DUSP19: variants seen among roughly 807,000 people sequenced by gnomAD.
The protein encoded by DUSP19 is dual specificity protein phosphatase 19.
DUSP19 carries 14 observed loss-of-function variants against 16.6 expected under a neutral mutation model. The ratio of observed to expected loss-of-function variants is 0.84; its 90% confidence interval spans 0.56 to 1.32. DUSP19 has a LOEUF of 1.32. Ranked by LOEUF, DUSP19 falls within the 40% of genes most tolerant of loss-of-function variation. DUSP19 has a pLI of 0.00. For missense variants in DUSP19, 258 were observed against 255.9 expected (o/e 1.01, Z -0.06); for synonymous variants, 81 against 90.5 (o/e 0.90, Z 0.59).
intron 1 of DUSP19, among the ~76,000 whole-genome samples, chr2:183,080,249 C>T (rs1188699215): frequency 6.6e-6 from 1 of 152,126 alleles, no homozygotes; most frequent in Non-Finnish European, 1.5e-5. Flanking sequence ...TCCAAAAAGC[C>T]ATTTGTAAAG....
At chr2:183,088,419 T>G (rs1377358535) in intron 3 of DUSP19, among the ~76,000 whole-genome samples, 1 of 147,672 alleles carries the variant, frequency 6.8e-6, no homozygotes, top group Non-Finnish European at 1.5e-5. Flanking sequence ...TGTTTTTTTT[T>G]TTTTTGAGAT....
chr2:183,082,861 C>CCTCT (rs1167162344), intron 1 of DUSP19, among the ~76,000 whole-genome samples: 1 of 145,862 alleles, frequency 6.9e-6, no homozygotes, highest in Admixed American at 6.9e-5. Flanking sequence ...TCCCTCCCTC[C>CCTCT]CTCTCTCTTC....
chr2:183,087,342 T>C, intron 3 of DUSP19, 150 bp downstream of exon 3: 2 of 855,530 alleles, frequency 2.3e-6, no homozygotes, highest in Admixed American at 3.2e-5. Flanking sequence ...CTACAATTAT[T>C]TGGTTAATTG....
In DUSP19 at chr2:183,079,101, T is replaced by C; in HGVS notation, c.168T>C (p.Tyr56=). The C allele has an allele frequency of 6.2e-7, 1 of 1,614,118 alleles. No individual in the cohort carries two copies. The highest frequency in any genetic ancestry group is 8.5e-7 in the Non-Finnish European group (1 of 1,180,014). Residue 56 remains tyrosine (Y), a synonymous_variant, in exon 1 of 4, where the codon TAT becomes TAC. Coordinates refer to ENST00000354221, the MANE Select transcript of DUSP19 (RefSeq NM_080876.4). Reference sequence around the variant, plus strand: ...CGAGCAGTGGGGGTGGTTGTGGTTATGTGCAGGACCTTAGCTCGGACCTGC... The same window carrying C: ...CGAGCAGTGGGGGTGGTTGTGGTTACGTGCAGGACCTTAGCTCGGACCTGC... ...VEPSSGGGCG[Y]VQDLSSDLQV...
intron 3 of DUSP19, among the ~76,000 whole-genome samples, chr2:183,088,023 C>T (rs1321672808): frequency 6.6e-6 from 1 of 152,198 alleles, no homozygotes; most frequent in Non-Finnish European, 1.5e-5. Context: ...TGTTCATCAA[C>T]TTTACTTAAT....
chr2:183,095,900 CAA>C lies in DUSP19; in HGVS notation c.*244_*245del, dbSNP rs1489125278. 3.4e-6 allele frequency: 1 copy of C among 295,650 alleles called. No homozygotes were observed. Among genetic ancestry groups the C allele is most frequent in the Non-Finnish European group, 6.2e-6 (1 of 160,054 alleles). The allele number at this position is 295,650 out of a possible 1,614,324, so 18.3% of individuals were successfully genotyped here. A position where few individuals can be genotyped will look rare whatever the true frequency, so the allele number is the denominator to read the frequency against. Reference sequence around the variant, plus strand: ...TTTTTAAATTGCTAAGGGAAAATAACAAAGTGTTAGTAATCATTGCTTTCTGT... The same window carrying C: ...TTTTTAAATTGCTAAGGGAAAATAACAGTGTTAGTAATCATTGCTTTCTGT... On this transcript the variant is annotated 3_prime_UTR_variant, in exon 4 of 4. Coordinates refer to ENST00000354221, the MANE Select transcript of DUSP19 (RefSeq NM_080876.4).
In DUSP19 at chr2:183,079,115, G is replaced by C; in HGVS notation, c.182G>C (p.Ser61Thr). Residue 61 changes from serine (S) to threonine (T), a missense_variant, in exon 1 of 4, where the codon AGC becomes ACC. Ser to Thr is a moderately conservative substitution (Grantham distance 58, BLOSUM62 1). Transcript: ENST00000354221. Reference protein sequence around the residue: ...GGGCGYVQDLSSDLQVGVIKP... With the variant: ...GGGCGYVQDLTSDLQVGVIKP... ...GGTTGTGGTTATGTGCAGGACCTTA[G>C]CTCGGACCTGCAAGTTGGCGTTATT... 1 of 1,613,984 alleles carries C rather than the reference G, an allele frequency of 6.2e-7. No individual in the cohort carries two copies. Among genetic ancestry groups the C allele is most frequent in the Non-Finnish European group, 8.5e-7 (1 of 1,179,952 alleles).
Position 183,098,051 on chromosome 2 carries a change from C to G in DUSP19, c.*2393C>G, listed in dbSNP as rs1292397820. On this transcript the variant is annotated 3_prime_UTR_variant, in exon 4 of 4. Transcript: ENST00000354221. ...GGATTATAGGCATGTGCCACCATGC[C>G]CAGCAAATTTTGTATTTTTTTTTGG... is the stretch of plus-strand genomic sequence containing the variant. 6.6e-6 allele frequency: 1 copy of G among 152,116 alleles called. No homozygotes were observed. Among genetic ancestry groups the G allele is most frequent in the East Asian group, 1.9e-4 (1 of 5,194 alleles). 9.4% of individuals were successfully genotyped at this position (152,116 alleles called of 1,614,324 possible).
At chr2:183,083,188 T>C (rs1462381769) in intron 1 of DUSP19, among the ~76,000 whole-genome samples, 1 of 152,226 alleles carries the variant, frequency 6.6e-6, no homozygotes, top group Non-Finnish European at 1.5e-5. Flanking sequence ...CATTTTTTAT[T>C]TAATGCAACA....
intron 2 of DUSP19, among the ~76,000 whole-genome samples, chr2:183,085,530 A>T (rs910565401): frequency 2.0e-5 from 3 of 152,044 alleles, no homozygotes; most frequent in Admixed American, 2.0e-4. Context: ...TTTCATTTGA[A>T]TTGGAGGCCA....
intron 2 of DUSP19, among the ~76,000 whole-genome samples, chr2:183,086,787 C>A (rs900368892): frequency 1.3e-5 from 2 of 151,820 alleles, no homozygotes; most frequent in African/African-American, 4.8e-5. Flanking sequence ...TGCATCATTG[C>A]ACTCCAGCCT....
At chr2:183,085,573 A>G (rs1386199317) in intron 2 of DUSP19, among the ~76,000 whole-genome samples, 1 of 150,678 alleles carries the variant, frequency 6.6e-6, no homozygotes, top group Non-Finnish European at 1.5e-5. Flanking sequence ...GAAGTGAGGA[A>G]GTGATGGCAA....
Position 183,099,634 on chromosome 2 carries a change from C to T in DUSP19, c.*3976C>T, listed in dbSNP as rs1185419266. On this transcript the variant is annotated 3_prime_UTR_variant, in exon 4 of 4. Transcript: ENST00000354221. Reference sequence around the variant, plus strand: ...AAAAATGATATGTTTAATATTTTCCCATTAATATATTTCTTTGAAGCTATT... The same window carrying T: ...AAAAATGATATGTTTAATATTTTCCTATTAATATATTTCTTTGAAGCTATT... 5 of 152,072 alleles carry T rather than the reference C, an allele frequency of 3.3e-5. No homozygotes were observed. The highest frequency in any genetic ancestry group is 1.2e-4 in the African/African-American group (5 of 41,398). The allele number at this position is 152,072 out of a possible 1,614,324, so 9.4% of individuals were successfully genotyped here. A position where few individuals can be genotyped will look rare whatever the true frequency, so the allele number is the denominator to read the frequency against.
chr2:183,091,640 AG>A (rs567497845), intron 3 of DUSP19, among the ~76,000 whole-genome samples: 97 of 152,340 alleles, frequency 6.4e-4, no homozygotes, highest in African/African-American at 2.2e-3. Context: ...AACCAGTGAG[AG>A]GCTAGGGTGA....
intron 1 of DUSP19, among the ~76,000 whole-genome samples, chr2:183,082,344 T>G (rs1042517261): frequency 5.9e-5 from 9 of 152,144 alleles, no homozygotes; most frequent in Non-Finnish European, 1.0e-4. Context: ...CATATACATA[T>G]TTTTTGTTGT....
At chr2:183,092,706 T>G (rs920402853) in intron 3 of DUSP19, among the ~76,000 whole-genome samples, 9 of 149,182 alleles carry the variant, frequency 6.0e-5, no homozygotes, top group East Asian at 1.9e-4. Flanking sequence ...CAAGTTTTTT[T>G]TTTTTTTTTT....
intron 3 of DUSP19, among the ~76,000 whole-genome samples, chr2:183,089,795 T>C (rs1331714300): frequency 2.0e-5 from 3 of 152,208 alleles, no homozygotes; most frequent in African/African-American, 4.8e-5. Flanking sequence ...AATCCTAACC[T>C]CAGCCAATAT....
chr2:183,094,112 A>G lies in DUSP19; in HGVS notation c.427-1319A>G, dbSNP rs549340723. Among the ~76,000 whole-genome samples the G allele has an allele frequency of 4.6e-5, 7 of 152,284 alleles. No homozygotes were observed. In the East Asian group the frequency reaches 1.3e-3, roughly 29 times the overall value. On this transcript the variant is annotated intron_variant, in intron 3 of 3. Coordinates refer to ENST00000354221, the MANE Select transcript of DUSP19 (RefSeq NM_080876.4). Reference sequence around the variant, plus strand: ...GAGTAATATCCCATAGTAATGTAAGATGTGAAAAAAGAAAACAATTGATAT... The same window carrying G: ...GAGTAATATCCCATAGTAATGTAAGGTGTGAAAAAAGAAAACAATTGATAT...
chr2:183,084,205 G>T (rs1035403987), intron 2 of DUSP19, among the ~76,000 whole-genome samples: 1 of 152,064 alleles, frequency 6.6e-6, no homozygotes, highest in Admixed American at 6.6e-5. Flanking sequence ...TGTTTGGTTT[G>T]GTTTGTTTTT....
Sources: gnomAD v4.1 joint callset for allele counts (sites outside exome capture counted in the v4.1 genomes callset) on GRCh38, gnomAD v4.1.1 for gene constraint, MANE v1.5 for transcripts, NCBI Gene and HGNC (gene_info 2026-07-23, HGNC 2026-07-21) for gene names.